GPHN: variants seen among roughly 807,000 people sequenced by gnomAD.
GPHN encodes the protein gephyrin.
A neutral mutation model predicts 95.5 loss-of-function variants in GPHN; 17 were observed. That is an observed-to-expected ratio of 0.18 (90% CI 0.12 to 0.27). GPHN has a LOEUF of 0.27. GPHN is among the 10% of genes least tolerant of loss of function. The pLI is 1.00. For missense variants in GPHN, 660 were observed against 978.1 expected, an observed-to-expected ratio of 0.67 and a Z score of 4.34; for synonymous variants, 320 against 322.5, an observed-to-expected ratio of 0.99 and a Z score of 0.08.
At chr14:67,427,598 AC>A in the GPHN span, among the ~76,000 whole-genome samples, 1 of 152,218 alleles carries the variant, frequency 6.6e-6, no homozygotes, top group East Asian at 1.9e-4. Context: ...CTTAAGACTT[AC>A]CGTCGCCATT....
intron 3 of GPHN, among the ~76,000 whole-genome samples, chr14:66,801,145 G>T (rs1390254123): frequency 6.6e-6 from 1 of 151,626 alleles, no homozygotes; most frequent in African/African-American, 2.4e-5. Flanking sequence ...CAGCTATTTT[G>T]TATTCTTTGT....
chr14:66,917,763 A>G (rs1242293062), intron 6 of GPHN, among the ~76,000 whole-genome samples: 3 of 152,176 alleles, frequency 2.0e-5, no homozygotes, highest in African/African-American at 4.8e-5. Context: ...CCAGTGAGAT[A>G]ACTTTTTGGG....
intron 12 of GPHN, among the ~76,000 whole-genome samples, chr14:67,089,998 A>C (rs2077081783): frequency 6.6e-6 from 1 of 152,114 alleles, no homozygotes; most frequent in East Asian, 1.9e-4. Flanking sequence ...TAGTTGAGCT[A>C]ATTAACACAT....
At chr14:66,630,139 A>C (rs1217967978) in intron 1 of GPHN, among the ~76,000 whole-genome samples, 2 of 152,210 alleles carry the variant, frequency 1.3e-5, no homozygotes, top group Non-Finnish European at 2.9e-5. Flanking sequence ...TGAAGATCTA[A>C]GGAATGGGGA....
At chr14:67,124,509 T>C (rs1031035461) in intron 17 of GPHN, among the ~76,000 whole-genome samples, 2 of 152,176 alleles carry the variant, frequency 1.3e-5, no homozygotes, top group Non-Finnish European at 2.9e-5. Flanking sequence ...TCCTTTAAGA[T>C]ACAAGTACTT....
At chr14:66,638,995 A>G (rs1478883164) in intron 1 of GPHN, among the ~76,000 whole-genome samples, 1 of 152,084 alleles carries the variant, frequency 6.6e-6, no homozygotes, top group Non-Finnish European at 1.5e-5. Context: ...ATCACACAGT[A>G]TTTTGCAGCA....
the GPHN span, among the ~76,000 whole-genome samples, chr14:67,264,063 G>A: frequency 1.3e-5 from 2 of 151,998 alleles, no homozygotes; most frequent in Non-Finnish European, 2.9e-5. Flanking sequence ...CATGGCACTC[G>A]GCAATAATTT....
chr14:67,190,968 T>C, the GPHN span, among the ~76,000 whole-genome samples: 1 of 152,186 alleles, frequency 6.6e-6, no homozygotes, highest in Non-Finnish European at 1.5e-5. Flanking sequence ...GTGCAGTGGC[T>C]CATGCCTGTA....
the GPHN span, among the ~76,000 whole-genome samples, chr14:67,528,645 T>C: frequency 6.6e-6 from 1 of 152,184 alleles, no homozygotes; most frequent in African/African-American, 2.4e-5. Context: ...TCAGGTGCTC[T>C]TTCTCCCTCC....
At chr14:67,375,820 G>A in the GPHN span, among the ~76,000 whole-genome samples, 1 of 152,124 alleles carries the variant, frequency 6.6e-6, no homozygotes, top group Non-Finnish European at 1.5e-5. Flanking sequence ...CTTTTGAGAA[G>A]CACTTTTCTG....
chr14:67,514,204 A>G, the GPHN span, among the ~76,000 whole-genome samples: 1 of 152,126 alleles, frequency 6.6e-6, no homozygotes, highest in African/African-American at 2.4e-5. Context: ...TCCTATCTCC[A>G]AGCTCTGTAC....
At chr14:67,386,242 T>A in the GPHN span, 8 of 152,686 alleles carry the variant, frequency 5.2e-5, no homozygotes, top group Non-Finnish European at 1.2e-4. Flanking sequence ...GGTAGTCTCT[T>A]ACCATATAAG....
chr14:67,305,171 G>A, the GPHN span, among the ~76,000 whole-genome samples: 1 of 152,182 alleles, frequency 6.6e-6, no homozygotes, highest in South Asian at 2.1e-4. Flanking sequence ...TCTGCAAACT[G>A]AGGAAACATA....
intron 5 of GPHN, among the ~76,000 whole-genome samples, chr14:66,890,131 G>A (rs1468317700): frequency 1.3e-5 from 2 of 152,166 alleles, no homozygotes; most frequent in Admixed American, 1.3e-4. Context: ...CAACCTCTCA[G>A]CTGGGTACGG....
At chr14:67,189,837 ATTTTTTTTTTTTT>A in the GPHN span, 3 of 108,096 alleles carry the variant, frequency 2.8e-5, no homozygotes, top group Non-Finnish European at 5.4e-5. Context: ...ATTTTTTTTA[ATTTTTTTTTTTTT>A]TTTTTTTTGA....
the GPHN span, among the ~76,000 whole-genome samples, chr14:67,235,183 C>T: frequency 9.8e-4 from 148 of 150,870 alleles, 1 homozygote; most frequent in South Asian, 7.8e-3. Flanking sequence ...AGGCCAGATA[C>T]CATCCAGACC....
At chr14:67,603,116 G>A in the GPHN span, among the ~76,000 whole-genome samples, 1 of 151,764 alleles carries the variant, frequency 6.6e-6, no homozygotes. Context: ...ACCGAAAGCG[G>A]AGTGCAGCAG....
the GPHN span, chr14:67,729,157 T>C: frequency 6.2e-7 from 1 of 1,605,388 alleles, no homozygotes; most frequent in Non-Finnish European, 8.5e-7. Flanking sequence ...GCTCAGAGTG[T>C]GTCCCTGATC....
At chr14:67,377,084 T>C in the GPHN span, among the ~76,000 whole-genome samples, 1 of 152,260 alleles carries the variant, frequency 6.6e-6, no homozygotes, top group African/African-American at 2.4e-5. Flanking sequence ...TAATTCTGTA[T>C]GTTAGGATCT....
Sources: allele counts gnomAD v4.1 joint callset (sites outside exome capture counted in the v4.1 genomes callset), GRCh38; gene constraint gnomAD v4.1.1; transcripts MANE v1.5; gene names NCBI Gene and HGNC (gene_info 2026-07-23, HGNC 2026-07-21).